ACSS3: variants seen among roughly 807,000 people sequenced by gnomAD.
ACSS3 encodes acyl-CoA synthetase short chain family member 3, also known as acyl-CoA synthetase short-chain family member 3, mitochondrial.
Under a neutral mutation model 84.2 loss-of-function variants are expected in ACSS3, and 64 were observed. The ratio of observed to expected loss-of-function variants is 0.76; its 90% CI spans 0.62 to 0.94. The LOEUF is 0.94. Ranked by LOEUF, ACSS3 falls within the 40% of genes least tolerant of loss-of-function variation. The pLI is 0.00. For synonymous variants in ACSS3, 317 were observed against 310.1 expected, an observed-to-expected ratio of 1.02 and a Z score of -0.23; for missense variants, 815 against 867.6, an observed-to-expected ratio of 0.94 and a Z score of 0.76.
In ACSS3 at chr12:81,078,162, C is replaced by A. The variant is rs780349943; in HGVS notation, c.42C>A (p.Ala14=). The A allele has an allele frequency of 2.1e-5, 32 of 1,517,314 alleles. No individual in the cohort carries two copies. In the African/African-American group the frequency reaches 4.2e-4, roughly 20 times the overall value. 94.0% of individuals were successfully genotyped at this position (1,517,314 alleles called of 1,614,324 possible). A position where few individuals can be genotyped will look rare whatever the true frequency, so the allele number is the denominator to read the frequency against. The change falls in exon 1 of 16, where the codon GCC becomes GCA. Residue 14 remains alanine (A), a synonymous_variant. Transcript: ENST00000548058. ...SWLQCRKVTS[A]GGLGGPLPGS... ...TGCAGTGTCGTAAAGTCACCAGCGC[C>A]GGGGGGCTCGGAGGGCCCTTGCCTG...
chr12:81,139,375 T>C, intron 4 of ACSS3, 110 bp downstream of exon 4: 1 of 1,175,192 alleles, frequency 8.5e-7, no homozygotes, highest in Non-Finnish European at 1.2e-6. Context: ...AGTATACTGC[T>C]GAATGTTATT....
intron 8 of ACSS3, among the ~76,000 whole-genome samples, chr12:81,198,506 C>G (rs147199691): frequency 2.8e-4 from 42 of 151,002 alleles, no homozygotes; most frequent in African/African-American, 1.0e-3. Context: ...TTGTGTTTTA[C>G]TTTGATGATA....
chr12:81,130,065 G>T (rs1390938633), intron 2 of ACSS3, among the ~76,000 whole-genome samples: 1 of 152,176 alleles, frequency 6.6e-6, no homozygotes, highest in Non-Finnish European at 1.5e-5. Context: ...TTGGTATTGT[G>T]AATAGTGCCA....
rs761609480 is a variant in ACSS3 at position 81,078,313 on chromosome 12, C to T, written c.193C>T (p.His65Tyr). The T allele has an allele frequency of 1.2e-6, 2 of 1,612,422 alleles. No homozygotes were observed. The highest frequency in any genetic ancestry group is 1.7e-5 in the Admixed American group (1 of 60,014). The change falls in exon 1 of 16, where the codon CAC becomes TAC. Residue 65 changes from histidine (H) to tyrosine (Y), a missense_variant. Physicochemically the swap from His to Tyr is moderately conservative, Grantham distance 83. Coordinates refer to ENST00000548058, the MANE Select transcript of ACSS3 (RefSeq NM_024560.4). ...CGGCAGTGGCAGCGAGTACAAGACC[C>T]ACTTCGCAGCCTCGGTGACCGACCC... ...SSGSGSEYKTHFAASVTDPER... is the reference protein window; with the variant it reads ...SSGSGSEYKTYFAASVTDPER...
At chr12:81,176,096 G>A (rs2030454637) in intron 8 of ACSS3, among the ~76,000 whole-genome samples, 1 of 152,016 alleles carries the variant, frequency 6.6e-6, no homozygotes. Flanking sequence ...ATCTTGATAG[G>A]CCACTAGCTA....
rs12824208 is a variant in ACSS3, at chr12:81,078,256, C to T, written c.136C>T (p.Leu46Phe). ...ALVVPGPRGG[L>F]GGRGCRALSS... ...AGTGGTCCCGGGCCCGCGGGGCGGT[C>T]TCGGGGGCCGGGGATGCAGGGCACT... Residue 46 changes from leucine (L) to phenylalanine (F), a missense_variant, in exon 1 of 16, where the codon CTC becomes TTC. By Grantham distance (22) the Leu-to-Phe change is conservative. Coordinates refer to ENST00000548058, the MANE Select transcript of ACSS3 (RefSeq NM_024560.4). The T allele has an allele frequency of 9.9e-6, 16 of 1,608,942 alleles. No homozygotes were observed. The highest frequency in any genetic ancestry group is 1.4e-5 in the Non-Finnish European group (16 of 1,179,356).
At chr12:81,125,481 T>G (rs1885022869) in intron 2 of ACSS3, 1 of 152,208 alleles carries the variant, frequency 6.6e-6, no homozygotes, top group African/African-American at 2.4e-5. Flanking sequence ...TCTGCCAGTC[T>G]TCACTTAACT....
intron 2 of ACSS3, among the ~76,000 whole-genome samples, chr12:81,114,547 G>A (rs1056910676): frequency 6.6e-6 from 1 of 152,080 alleles, no homozygotes. Flanking sequence ...TCTTTGTTCA[G>A]GGGAAAGGAT....
chr12:81,251,669 A>AAAAAAAAG (rs374996404), intron 13 of ACSS3, among the ~76,000 whole-genome samples: 19,700 of 78,862 alleles, frequency 0.25, 1,915 homozygotes, highest in Middle Eastern at 0.31. Flanking sequence ...CCATCTCTAC[A>AAAAAAAAG]AAAAAAAAAA....
intron 2 of ACSS3, among the ~76,000 whole-genome samples, chr12:81,116,338 T>G (rs1411450522): frequency 6.6e-6 from 1 of 152,108 alleles, no homozygotes; most frequent in Non-Finnish European, 1.5e-5. Flanking sequence ...AACAACAGTT[T>G]AGTATTTCCT....
intron 2 of ACSS3, among the ~76,000 whole-genome samples, chr12:81,119,792 C>T (rs1281368436): frequency 6.6e-6 from 1 of 152,114 alleles, no homozygotes; most frequent in African/African-American, 2.4e-5. Flanking sequence ...TGTTCAAGCA[C>T]ACATGTTTTA....
At chr12:81,127,776 ACTAGGGAACTAT>A (rs1396828031) in intron 2 of ACSS3, among the ~76,000 whole-genome samples, 1 of 152,140 alleles carries the variant, frequency 6.6e-6, no homozygotes, top group Non-Finnish European at 1.5e-5. Context: ...CAATTTGGAA[ACTAGGGAACTAT>A]CTTTTTTCGT....
chr12:81,169,678 T>G (rs1383431530), intron 7 of ACSS3, among the ~76,000 whole-genome samples: 1 of 152,190 alleles, frequency 6.6e-6, no homozygotes, highest in African/African-American at 2.4e-5. Context: ...TTTTAATTTT[T>G]TTTTCACTAA....
intron 9 of ACSS3, among the ~76,000 whole-genome samples, chr12:81,208,150 A>G (rs1237390801): frequency 1.3e-5 from 2 of 152,134 alleles, no homozygotes; most frequent in African/African-American, 4.8e-5. Flanking sequence ...TGGTTTCTTT[A>G]CAAATTGCCT....
chr12:81,213,946 TCTCC>T (rs1167660111), intron 9 of ACSS3, among the ~76,000 whole-genome samples: 2 of 75,764 alleles, frequency 2.6e-5, no homozygotes, highest in African/African-American at 4.4e-5. Context: ...TCTCTCTCTC[TCTCC>T]CTCTCTCTCT....
intron 4 of ACSS3, among the ~76,000 whole-genome samples, chr12:81,142,753 G>C (rs970134499): frequency 5.3e-5 from 8 of 152,062 alleles, no homozygotes; most frequent in Admixed American, 1.3e-4. Context: ...ATAAAAATTA[G>C]TTTATAAAGT....
intron 2 of ACSS3, among the ~76,000 whole-genome samples, chr12:81,116,196 G>T (rs1389305542): frequency 6.6e-6 from 1 of 151,968 alleles, no homozygotes; most frequent in Non-Finnish European, 1.5e-5. Flanking sequence ...TATCAAAATT[G>T]TAACTGGAAC....
chr12:81,213,932 C>CCTTCCTTT (rs1189369982), intron 9 of ACSS3, among the ~76,000 whole-genome samples: 1,378 of 76,650 alleles, frequency 0.018, 170 homozygotes, highest in Middle Eastern at 0.049. Flanking sequence ...TTCCTTCCTT[C>CCTTCCTTT]CTTTCTCTCT....
intron 7 of ACSS3, 199 bp from the exon 8 acceptor site, chr12:81,174,589 T>C (rs2030331532): frequency 4.1e-6 from 2 of 487,890 alleles, no homozygotes; most frequent in Non-Finnish European, 6.9e-6. Flanking sequence ...TTTAGGATAC[T>C]AAAATGGAGC....
Sources: allele counts gnomAD v4.1 joint callset (sites outside exome capture counted in the v4.1 genomes callset), GRCh38; gene constraint gnomAD v4.1.1; transcripts MANE v1.5; gene names NCBI Gene and HGNC (gene_info 2026-07-23, HGNC 2026-07-21).